CIT: variants seen among roughly 807,000 people sequenced by gnomAD.
The protein encoded by CIT is citron rho-interacting serine/threonine kinase, also known as citron Rho-interacting kinase.
CIT carries 79 observed loss-of-function variants against 272.7 expected under a neutral mutation model. The observed-to-expected ratio is 0.29, with a 90% CI of 0.24 to 0.35. The LOEUF (loss-of-function observed/expected upper bound fraction) is 0.35, where lower values mean the gene tolerates loss of function less well. Among genes scored for constraint, CIT ranks in the 10% least tolerant of loss-of-function variants. CIT has a pLI of 1.00. For missense variants in CIT, 1,909 were observed against 2,618.3 expected, an observed-to-expected ratio of 0.73 and a Z score of 5.91; for synonymous variants, 948 against 995.6, an observed-to-expected ratio of 0.95 and a Z score of 0.90.
chr12:119,766,348 GATC>G (rs547734436), intron 19 of CIT, among the ~76,000 whole-genome samples: 135 of 152,306 alleles, frequency 8.9e-4, no homozygotes, highest in African/African-American at 2.9e-3. Flanking sequence ...TGGAATTGGA[GATC>G]ATCATATTAA....
chr12:119,835,412 C>A (rs1482180728), intron 5 of CIT, among the ~76,000 whole-genome samples: 1 of 152,276 alleles, frequency 6.6e-6, no homozygotes, highest in East Asian at 1.9e-4. Flanking sequence ...TCTTCCCCCC[C>A]ACTTTACTGC....
Position 119,728,455 on chromosome 12 carries a change from G to GAA in CIT, c.3591+45_3591+46dup. 3 of 1,214,212 alleles carry GAA rather than the reference G, an allele frequency of 2.5e-6. No homozygotes were observed. The highest frequency in any genetic ancestry group is 3.5e-6 in the Non-Finnish European group (3 of 858,740). The allele number at this position is 1,214,212 out of a possible 1,614,324, so 75.2% of individuals were successfully genotyped here. A position where few individuals can be genotyped will look rare whatever the true frequency, so the allele number is the denominator to read the frequency against. Reference sequence around the variant, plus strand: ...TCCAAAAAAAAGAAGCCTATTAAAAGAAAAAAAAAATCCACTTGGCCCTTC... The same window carrying GAA: ...TCCAAAAAAAAGAAGCCTATTAAAAGAAAAAAAAAAAATCCACTTGGCCCTTC... On this transcript the variant is annotated intron_variant, in intron 28 of 47. Coordinates refer to ENST00000392521, the MANE Select transcript of CIT (RefSeq NM_001206999.2). This position sits in a 1 kb window ranked among gnomAD's most constrained non-coding sequence, Gnocchi z 4.3.
Position 119,825,177 on chromosome 12 carries a change from A to G in CIT, c.945T>C (p.Ile315=), listed in dbSNP as rs1222472597. ...EGTSARTFNN[I]MNFQRFLKFP... is the part of the protein sequence containing the mutation. ...AAGGACTCTTTACCTGGAAATTCAT[A>G]ATGTTATTGAAGGTTCTGGCAGAGG... The change falls in exon 8 of 48, where the codon ATT becomes ATC. Residue 315 remains isoleucine, a synonymous_variant. Transcript: ENST00000392521. 12 of 1,612,582 alleles carry G rather than the reference A, an allele frequency of 7.4e-6. No homozygotes were observed. Among genetic ancestry groups the G allele is most frequent in the Non-Finnish European group, 1.0e-5 (12 of 1,179,352 alleles).
At chr12:119,771,654 C>T (rs1233071922) in intron 17 of CIT, among the ~76,000 whole-genome samples, 1 of 152,064 alleles carries the variant, frequency 6.6e-6, no homozygotes, top group Non-Finnish European at 1.5e-5. Context: ...TCCTTGAGGT[C>T]CATGAATCTT....
chr12:119,754,472 A>G (rs1049013486), intron 22 of CIT, among the ~76,000 whole-genome samples: 3 of 152,190 alleles, frequency 2.0e-5, no homozygotes, highest in African/African-American at 7.2e-5. Flanking sequence ...TGGCAAAACC[A>G]AGAGAGGCAG....
intron 10 of CIT, among the ~76,000 whole-genome samples, chr12:119,799,940 T>C (rs1231295453): frequency 6.6e-6 from 1 of 151,882 alleles, no homozygotes; most frequent in East Asian, 1.9e-4. Context: ...GCCAAAAGAT[T>C]GGACACCCCC....
intron 41 of CIT, among the ~76,000 whole-genome samples, chr12:119,702,804 C>A (rs1238452912): frequency 6.6e-6 from 1 of 152,042 alleles, no homozygotes; most frequent in Non-Finnish European, 1.5e-5. Flanking sequence ...CAACTATTAA[C>A]AGTGGTGGTC....
chr12:119,715,333 T>C (rs1957401195), intron 32 of CIT, among the ~76,000 whole-genome samples: 1 of 152,182 alleles, frequency 6.6e-6, no homozygotes, highest in African/African-American at 2.4e-5. Context: ...ATCTACACAA[T>C]GGAGTATTAT....
intron 27 of CIT, among the ~76,000 whole-genome samples, chr12:119,730,210 G>A (rs1333043786): frequency 6.6e-6 from 1 of 151,830 alleles, no homozygotes; most frequent in Non-Finnish European, 1.5e-5. Context: ...GACAACCAGA[G>A]AGTAGAACAC....
Position 119,713,239 on chromosome 12 carries a change from A to G in CIT, c.4543T>C (p.Ser1515Pro). 1 of 1,613,990 alleles carries G rather than the reference A, an allele frequency of 6.2e-7. No homozygotes were observed. Among genetic ancestry groups the G allele is most frequent in the Non-Finnish European group, 8.5e-7 (1 of 1,179,950 alleles). ...TCATTGTCATAAATGAGGACTTTTG[A>G]TCCCTCCAGGACAATGTACTTCCTG... ...WDRKYIVLEG[S>P]KVLIYDNEAR... Residue 1515 changes from serine (S) to proline (P), a missense_variant, in exon 35 of 48, where the codon TCA (serine) becomes CCA (proline). This residue lies in a region of CIT where 780 missense variants were observed against 1,067.2 expected (regional missense o/e 0.73). Transcript: ENST00000392521. The surrounding 1 kb of genome is among the most constrained non-coding windows in gnomAD (Gnocchi z 5.2).
At chr12:119,819,824 T>G (rs1465762801) in intron 9 of CIT, among the ~76,000 whole-genome samples, 2 of 152,226 alleles carry the variant, frequency 1.3e-5, no homozygotes, top group Non-Finnish European at 2.9e-5. Context: ...AGAAAATAGC[T>G]TAAAGAGCAT....
chr12:119,842,629 T>C (rs1340836963), intron 5 of CIT, among the ~76,000 whole-genome samples: 1 of 152,106 alleles, frequency 6.6e-6, no homozygotes, highest in Non-Finnish European at 1.5e-5. Context: ...CAATTTTCTA[T>C]AGACCAGAAA....
At chr12:119,843,113 T>C (rs904881032) in intron 5 of CIT, among the ~76,000 whole-genome samples, 1 of 151,932 alleles carries the variant, frequency 6.6e-6, no homozygotes, top group Non-Finnish European at 1.5e-5. Flanking sequence ...GTTAGCAAGG[T>C]GAACAGGGAA....
chr12:119,799,376 C>A (rs1439467100), intron 10 of CIT, among the ~76,000 whole-genome samples: 1 of 152,214 alleles, frequency 6.6e-6, no homozygotes, highest in African/African-American at 2.4e-5. Context: ...TGTCCTTCCA[C>A]TTCGCAGTTG....
rs565475718 is a variant in CIT, at chr12:119,828,798, C to A, written c.754-3430G>T. On this transcript the variant is annotated intron_variant, in intron 7 of 47. Coordinates refer to ENST00000392521, the MANE Select transcript of CIT (RefSeq NM_001206999.2). ...GGCCAGGCTGGTCTCAAACTCCTGACCTCAGGTGATCTGCTCGCCTCGGCC... is the reference window on the plus strand; with the variant it reads ...GGCCAGGCTGGTCTCAAACTCCTGAACTCAGGTGATCTGCTCGCCTCGGCC... 4.6e-5 allele frequency among the ~76,000 whole-genome samples: 7 copies of A among 152,184 alleles called. No homozygotes were observed. In the East Asian group the frequency reaches 1.4e-3, roughly 29 times the overall value.
At chr12:119,693,400 T>C (rs1956064014) in intron 46 of CIT, among the ~76,000 whole-genome samples, 1 of 152,180 alleles carries the variant, frequency 6.6e-6, no homozygotes. Context: ...AACTACTGAT[T>C]TTCCAGACAT....
chr12:119,844,314 G>T (rs1358514921), intron 5 of CIT, among the ~76,000 whole-genome samples: 1 of 152,040 alleles, frequency 6.6e-6, no homozygotes, highest in African/African-American at 2.4e-5. Flanking sequence ...AAGCCACCGC[G>T]CCCAGCCATA....
At chr12:119,772,514 A>G (rs1393814173) in intron 17 of CIT, among the ~76,000 whole-genome samples, 1 of 152,222 alleles carries the variant, frequency 6.6e-6, no homozygotes, top group East Asian at 1.9e-4. Flanking sequence ...ATTCTCCCAG[A>G]TTAGTGGGTA....
chr12:119,796,734 G>A (rs765430942), intron 10 of CIT, among the ~76,000 whole-genome samples: 1 of 152,182 alleles, frequency 6.6e-6, no homozygotes, highest in Admixed American at 6.5e-5. Flanking sequence ...AAAGATAACT[G>A]AGGATGGAAC....
Sources: allele counts gnomAD v4.1 joint callset (sites outside exome capture counted in the v4.1 genomes callset), GRCh38; gene constraint gnomAD v4.1.1; regional missense constraint gnomAD v4.1.1; non-coding constraint Gnocchi (gnomAD v3.1); transcripts MANE v1.5; gene names NCBI Gene and HGNC (gene_info 2026-07-23, HGNC 2026-07-21).